Variants in TMEM114 observed in about 807,000 individuals in gnomAD.
TMEM114 encodes the protein claudin-26.
In TMEM114, 6 loss-of-function variants were observed where a neutral mutation model predicts 6.2. The observed-to-expected ratio is 0.97, with a 90% CI of 0.53 to 1.91. TMEM114 has a LOEUF of 1.91. TMEM114 is among the 40% of genes most tolerant of loss of function. The pLI is 0.01. For missense variants in TMEM114, 218 were observed against 158.3 expected, an observed-to-expected ratio of 1.38 and a Z score of -2.02; for synonymous variants, 104 against 73.0, an observed-to-expected ratio of 1.42 and a Z score of -2.16.
chr16:8,561,642 C>T (rs1567201618), intron 2 of TMEM114, among the ~76,000 whole-genome samples: 3 of 152,082 alleles, frequency 2.0e-5, no homozygotes, highest in Admixed American at 1.3e-4. Context: ...ACTATATGAA[C>T]AAGTGAGTGA....
intron 1 of TMEM114, 145 bp downstream of exon 1, chr16:8,589,474 T>C: frequency 2.5e-6 from 1 of 398,002 alleles, no homozygotes. Flanking sequence ...CCCGGCCTTC[T>C]GCTCACCTTC....
At position 8,569,656 on chromosome 16, in the gene TMEM114, G is replaced by A; in HGVS notation, c.*117C>T. On this transcript the variant is annotated 3_prime_UTR_variant, in exon 4 of 4. Coordinates refer to ENST00000620492, the MANE Select transcript of TMEM114 (RefSeq NM_001146336.2). Reference sequence around the variant, plus strand: ...GCGGGGATTTGTGGGGGAAGGAGGGGGGTGCCTGGCCTCCCCGAGTGGCCT... The same window carrying A: ...GCGGGGATTTGTGGGGGAAGGAGGGAGGTGCCTGGCCTCCCCGAGTGGCCT... 2.1e-6 allele frequency: 3 copies of A among 1,441,740 alleles called. No individual in the cohort carries two copies. The highest frequency in any genetic ancestry group is 2.7e-6 in the Non-Finnish European group (3 of 1,101,574). 89.3% of individuals were successfully genotyped at this position (1,441,740 alleles called of 1,614,324 possible).
chr16:8,554,241 A>G (rs1302413949), intron 2 of TMEM114, among the ~76,000 whole-genome samples: 1 of 141,524 alleles, frequency 7.1e-6, no homozygotes, highest in African/African-American at 2.7e-5. Flanking sequence ...CAAACAGATG[A>G]GGTCATGTGA....
chr16:8,573,995 ATGAATGAGTGAG>A (rs1191170678), intron 2 of TMEM114, among the ~76,000 whole-genome samples: 17 of 152,240 alleles, frequency 1.1e-4, no homozygotes, highest in Non-Finnish European at 2.5e-4. Flanking sequence ...AATGTAGTGA[ATGAATGAGTGAG>A]TGAATGAGTG....
intron 2 of TMEM114, among the ~76,000 whole-genome samples, chr16:8,552,129 C>G (rs1431055108): frequency 6.6e-6 from 1 of 151,580 alleles, no homozygotes; most frequent in Non-Finnish European, 1.5e-5. Context: ...AATCCCAGCA[C>G]TTTGGGAGGC....
intron 3 of TMEM114, among the ~76,000 whole-genome samples, chr16:8,571,228 A>C (rs1901724606): frequency 6.6e-6 from 1 of 152,082 alleles, no homozygotes; most frequent in Admixed American, 6.6e-5. Flanking sequence ...CCACTAAACC[A>C]ACCAGTGGTG....
downstream of TMEM114, among the ~76,000 whole-genome samples, chr16:8,567,606 G>T (rs554468566): frequency 2.6e-5 from 4 of 152,212 alleles, no homozygotes; most frequent in South Asian, 8.3e-4. Flanking sequence ...TGGAGCTGCC[G>T]GTAATACCAC....
At chr16:8,559,569 G>C (rs1286453359) in intron 2 of TMEM114, among the ~76,000 whole-genome samples, 1 of 152,288 alleles carries the variant, frequency 6.6e-6, no homozygotes, top group East Asian at 1.9e-4. Flanking sequence ...AGGGGAGTCG[G>C]CTTTTTCAAT....
At chr16:8,536,096 G>A (rs760638126), downstream of TMEM114, among the ~76,000 whole-genome samples, 5 of 151,916 alleles carry the variant, frequency 3.3e-5, no homozygotes, top group Non-Finnish European at 7.4e-5. Flanking sequence ...GTGGTGACGT[G>A]CACCTGTAAT....
intron 2 of TMEM114, among the ~76,000 whole-genome samples, chr16:8,577,211 C>T (rs949192492): frequency 6.6e-6 from 1 of 152,248 alleles, no homozygotes; most frequent in East Asian, 1.9e-4. Context: ...CACTTCCCTT[C>T]CCTCTACTCT....
intron 2 of TMEM114, among the ~76,000 whole-genome samples, chr16:8,576,282 A>T (rs1438482688): frequency 6.6e-6 from 1 of 152,182 alleles, no homozygotes; most frequent in African/African-American, 2.4e-5. Flanking sequence ...TCCTGATATT[A>T]CCCAGTCCAG....
intron 2 of TMEM114, among the ~76,000 whole-genome samples, chr16:8,564,001 G>GTGAGTGAATGAGTATGTGAA (rs1901407494): frequency 2.0e-5 from 3 of 151,270 alleles, no homozygotes; most frequent in African/African-American, 7.4e-5. Context: ...GAGGGAATGA[G>GTGAGTGAATGAGTATGTGAA]TGAGTGAATG....
chr16:8,542,893 T>C (rs896158630), intron 2 of TMEM114, among the ~76,000 whole-genome samples: 2 of 152,162 alleles, frequency 1.3e-5, no homozygotes, highest in Non-Finnish European at 2.9e-5. Context: ...TGCCAGAATG[T>C]ATGGAGATTA....
chr16:8,562,928 G>A (rs12919580), intron 2 of TMEM114, among the ~76,000 whole-genome samples: 24,604 of 90,524 alleles, frequency 0.27, 3,361 homozygotes, highest in Non-Finnish European at 0.36. Flanking sequence ...AAATGAGTGA[G>A]TGAGTGAATT....
chr16:8,527,983 C>G, the TMEM114 span, among the ~76,000 whole-genome samples: 1 of 152,180 alleles, frequency 6.6e-6, no homozygotes, highest in Non-Finnish European at 1.5e-5. Context: ...TCTCAGCTCA[C>G]TGCAACCTCT....
rs1252080977 is a variant in TMEM114 at position 8,547,192 on chromosome 16, G to T, written n.213-9366C>A. Among the ~76,000 whole-genome samples the T allele has an allele frequency of 7.9e-5, 12 of 152,098 alleles. 1 individual carries two copies. In the East Asian group the frequency reaches 1.7e-3, roughly 22 times the overall value. On this transcript the variant is annotated intron_variant and non_coding_transcript_variant, in intron 2 of 2. Coordinates refer to the TMEM114 transcript ENST00000623677. ...GAATTTTTGAGCTGAAAGTTGTCAT[G>T]ATTTTTGCATTAAAGACACCATCCC...
At chr16:8,553,359 T>A (rs578075609) in intron 2 of TMEM114, among the ~76,000 whole-genome samples, 34 of 152,300 alleles carry the variant, frequency 2.2e-4, no homozygotes, top group Admixed American at 1.2e-3. Context: ...CGAAAATAGC[T>A]GTAGAGTCCA....
Position 8,582,800 on chromosome 16 carries a change from G to A in TMEM114, c.301+6413C>T, listed in dbSNP as rs141893561. Among the ~76,000 whole-genome samples the A allele has an allele frequency of 3.5e-4, 54 of 152,302 alleles. No homozygotes were observed. In the East Asian group the frequency reaches 0.01, roughly 28 times the overall value. The stretch of plus-strand genomic sequence containing the variant: ...AGCTACTCAGAAGGCTGAGGCAGGA[G>A]GCTCAGGAGAATTGCTTGAACCCAG... On this transcript the variant is annotated intron_variant, in intron 2 of 3. Coordinates refer to ENST00000620492, the MANE Select transcript of TMEM114 (RefSeq NM_001146336.2).
intron 2 of TMEM114, among the ~76,000 whole-genome samples, chr16:8,557,285 C>G (rs1018901063): frequency 7.9e-5 from 12 of 152,148 alleles, no homozygotes; most frequent in African/African-American, 2.9e-4. Context: ...CATGGGAGCA[C>G]TAGCCCTGGG....
Sources: gnomAD v4.1 joint callset for allele counts (sites outside exome capture counted in the v4.1 genomes callset) on GRCh38, gnomAD v4.1.1 for gene constraint, MANE v1.5 for transcripts, NCBI Gene and HGNC (gene_info 2026-07-23, HGNC 2026-07-21) for gene names.